C2CD3: variants seen among roughly 807,000 people sequenced by gnomAD.
The protein encoded by C2CD3 is C2 domain-containing protein 3.
In C2CD3, 148 loss-of-function variants were observed where a neutral mutation model predicts 234.0. The observed-to-expected ratio is 0.63, with a 90% CI of 0.55 to 0.72. The LOEUF (loss-of-function observed/expected upper bound fraction) is 0.72. Ranked by LOEUF, C2CD3 falls within the 30% of genes least tolerant of loss-of-function variation. The pLI is 0.00. For missense variants in C2CD3, 2,577 were observed against 2,811.5 expected (o/e 0.92, Z 1.89); for synonymous variants, 1,000 against 1,035.4 (o/e 0.97, Z 0.66).
chr11:74,059,736 T>A (rs1162653242), intron 24 of C2CD3, among the ~76,000 whole-genome samples: 1 of 152,186 alleles, frequency 6.6e-6, no homozygotes, highest in Non-Finnish European at 1.5e-5. Context: ...AGACGGTTGA[T>A]TTCTGTATTT....
At chr11:74,029,627 T>TG (rs1317135214) in intron 31 of C2CD3, among the ~76,000 whole-genome samples, 1 of 152,234 alleles carries the variant, frequency 6.6e-6, no homozygotes. Flanking sequence ...GCTGATGCTG[T>TG]GGGGAAGAAA....
At chr11:74,076,652 C>T (rs1189269222) in intron 23 of C2CD3, among the ~76,000 whole-genome samples, 1 of 152,182 alleles carries the variant, frequency 6.6e-6, no homozygotes, top group Non-Finnish European at 1.5e-5. Flanking sequence ...TAATCACTTC[C>T]CAATCTATGT....
chr11:74,089,654 T>C (rs1955800852), intron 20 of C2CD3, among the ~76,000 whole-genome samples: 1 of 152,228 alleles, frequency 6.6e-6, no homozygotes, highest in Admixed American at 6.5e-5. Context: ...CCTGATCTAG[T>C]TCTCTTTCTT....
chr11:74,114,335 CA>C, intron 10 of C2CD3, 48 bp downstream of exon 10: 1 of 1,270,326 alleles, frequency 7.9e-7, no homozygotes, highest in South Asian at 1.2e-5. Flanking sequence ...TACCATCAGA[CA>C]CACTTTCCAA....
chr11:74,046,194 C>A (rs76989421), intron 28 of C2CD3, among the ~76,000 whole-genome samples: 3,271 of 152,236 alleles, frequency 0.021, 66 homozygotes, highest in African/African-American at 0.046. Context: ...TCTACCATCT[C>A]CAAAAGTTTC....
Position 74,090,985 on chromosome 11 carries a change from T to C in C2CD3, c.3518-49A>G, listed in dbSNP as rs753182046. 9.4e-6 allele frequency: 15 copies of C among 1,602,714 alleles called. No homozygotes were observed. In the South Asian group the frequency reaches 1.7e-4, roughly 18 times the overall value. On this transcript the variant is annotated intron_variant, in intron 19 of 32. Transcript: ENST00000334126. ...AGAAGGTTGGTCAGAAGAATCTCTG[T>C]TCCACCAAACCACAAAGTTTTGGTC...
intron 22 of C2CD3, 72 bp from the exon 23 acceptor site, chr11:74,078,789 C>T: frequency 2.2e-6 from 3 of 1,367,128 alleles, no homozygotes; most frequent in Non-Finnish European, 2.9e-6. Context: ...TTACTCTCCA[C>T]CCCATAGTGT....
intron 3 of C2CD3, chr11:74,142,064 T>C (rs1228894266): frequency 6.6e-6 from 1 of 152,386 alleles, no homozygotes; most frequent in Non-Finnish European, 1.5e-5. Context: ...CATAGTATTT[T>C]GTAGAGGAAG....
At position 74,138,764 on chromosome 11, in the gene C2CD3, C is replaced by A; in HGVS notation, c.911G>T (p.Cys304Phe). ...AGGGAGGTTGTTTGAAGAAAGAATGCATGAGTCACTGTGACTCTTGGCAAC... is the reference window on the plus strand; with the variant it reads ...AGGGAGGTTGTTTGAAGAAAGAATGAATGAGTCACTGTGACTCTTGGCAAC... ...RTVAKSHSDSCILSSNNLPTK... is the reference protein window; with the variant it reads ...RTVAKSHSDSFILSSNNLPTK... The change falls in exon 5 of 33, where the codon TGC (cysteine) becomes TTC (phenylalanine). Residue 304 changes from cysteine to phenylalanine, a missense_variant. Coordinates refer to ENST00000334126, the MANE Select transcript of C2CD3 (RefSeq NM_001286577.2). 6.2e-7 allele frequency: 1 copy of A among 1,612,766 alleles called. No individual in the cohort carries two copies.
Position 74,161,626 on chromosome 11 carries a change from A to T in C2CD3, c.326-70T>A, listed in dbSNP as rs922451886. 2.1e-5 allele frequency: 22 copies of T among 1,046,986 alleles called. 1 individual carries two copies. The highest frequency in any genetic ancestry group is 4.3e-4 in the Middle Eastern group (2 of 4,638). The allele number at this position is 1,046,986 out of a possible 1,614,324, so 64.9% of individuals were successfully genotyped here. A position where few individuals can be genotyped will look rare whatever the true frequency, so the allele number is the denominator to read the frequency against. The stretch of plus-strand genomic sequence containing the variant: ...ATTTTCTTTTTTAAGACGTGGGTAG[A>T]GGGGTATATGCGGAAAAGCTTTCTA... On this transcript the variant is annotated intron_variant, in intron 2 of 32. Transcript: ENST00000334126.
rs1951747715 is a variant in C2CD3 at position 74,013,043 on chromosome 11, G to A, written c.*342C>T. The A allele has an allele frequency of 6.0e-6, 1 of 166,922 alleles. No individual in the cohort carries two copies. Among genetic ancestry groups the A allele is most frequent in the Non-Finnish European group, 1.3e-5 (1 of 78,132 alleles). 10.3% of individuals were successfully genotyped at this position (166,922 alleles called of 1,614,324 possible). A position where few individuals can be genotyped will look rare whatever the true frequency, so the allele number is the denominator to read the frequency against. Reference sequence around the variant, plus strand: ...GTCCTGCATCTTCAGGCAGAGGGTGGGCTCATGCCAGCAGTCAGCTGTGTC... The same window carrying A: ...GTCCTGCATCTTCAGGCAGAGGGTGAGCTCATGCCAGCAGTCAGCTGTGTC... On this transcript the variant is annotated 3_prime_UTR_variant, in exon 33 of 33. Coordinates refer to ENST00000334126, the MANE Select transcript of C2CD3 (RefSeq NM_001286577.2).
rs769668218 is a variant in C2CD3, at chr11:74,150,492, C to CAAAAAAAA, written c.484-10672_484-10665dup. Among the ~76,000 whole-genome samples, 27 of 16,100 alleles carry CAAAAAAAA rather than the reference C, an allele frequency of 1.7e-3. 1 individual carries two copies. The highest frequency in any genetic ancestry group is 2.7e-3 in the East Asian group (1 of 364). The allele number at this position is 16,100 out of a possible 152,430, so 10.6% of individuals were successfully genotyped here. A position where few individuals can be genotyped will look rare whatever the true frequency, so the allele number is the denominator to read the frequency against. Reference sequence around the variant, plus strand: ...TGGGCTACAGAGCAAGACCCTGTCTCAAAAAAAAAAAAAAAAAAAAAAACA... The same window carrying CAAAAAAAA: ...TGGGCTACAGAGCAAGACCCTGTCTCAAAAAAAAAAAAAAAAAAAAAAAAAAAAAAACA... On this transcript the variant is annotated intron_variant, in intron 3 of 32. Transcript: ENST00000334126.
rs1456560503 is a variant in C2CD3, at chr11:74,037,632, T to C, written c.5727A>G (p.Leu1909=). 3.1e-6 allele frequency: 5 copies of C among 1,613,924 alleles called. No individual in the cohort carries two copies. Among genetic ancestry groups the C allele is most frequent in the East Asian group, 2.2e-5 (1 of 44,890 alleles). The change falls in exon 30 of 33, where the codon CTA becomes CTG. Residue 1909 remains leucine (L), a synonymous_variant. Coordinates refer to ENST00000334126, the MANE Select transcript of C2CD3 (RefSeq NM_001286577.2). ...YFRQKLTKPF[L]PLSPQTQTAI... ...CCGTTTGAGTCTGAGGGCTGAGGGG[T>C]AGGAAAGGCTTGGTGAGCTTCTGGC...
chr11:74,133,350 A>G (rs1203048288), intron 6 of C2CD3, 75 bp downstream of exon 6: 3 of 1,353,444 alleles, frequency 2.2e-6, no homozygotes, highest in African/African-American at 1.4e-5. Context: ...TACCTAGTCC[A>G]TAACTTGACA....
intron 3 of C2CD3, among the ~76,000 whole-genome samples, chr11:74,158,521 G>A (rs546396985): frequency 1.3e-5 from 2 of 151,966 alleles, no homozygotes; most frequent in East Asian, 3.9e-4. Context: ...TCAGGAGTTC[G>A]AGACCAGCCT....
chr11:74,025,959 G>A (rs1471508170), intron 32 of C2CD3, among the ~76,000 whole-genome samples: 1 of 152,064 alleles, frequency 6.6e-6, no homozygotes, highest in Non-Finnish European at 1.5e-5. Flanking sequence ...GGTGTGTGTG[G>A]GAAATGCAAG....
At chr11:74,105,798 C>G (rs917744887) in intron 13 of C2CD3, among the ~76,000 whole-genome samples, 7 of 152,148 alleles carry the variant, frequency 4.6e-5, no homozygotes, top group Admixed American at 4.6e-4. Context: ...ATGCCACAGC[C>G]CATTTCCCTC....
At position 74,042,014 on chromosome 11, in the gene C2CD3, C is replaced by T. The variant is rs562859876; in HGVS notation, c.5660+40G>A. ...TGCCATTTCTCATTCACCTTGTGCC[C>T]CACTATGGTTTCCTGTGTCTTTTCT... is the stretch of plus-strand genomic sequence containing the variant. On this transcript the variant is annotated intron_variant, in intron 29 of 32. Transcript: ENST00000334126. The T allele has an allele frequency of 6.0e-5, 96 of 1,601,880 alleles. 1 individual carries two copies. Among genetic ancestry groups the T allele is most frequent in the South Asian group, 4.4e-4 (40 of 90,480 alleles).
chr11:74,106,413 T>A lies in C2CD3; in HGVS notation c.2043A>T (p.Pro681=). 2 of 1,614,116 alleles carry A rather than the reference T, an allele frequency of 1.2e-6. No homozygotes were observed. Among genetic ancestry groups the A allele is most frequent in the Non-Finnish European group, 1.7e-6 (2 of 1,179,964 alleles). ...SELLSFSDQL[P]VQQENGQSPF... ...GAGACTGACCATTTTCTTGTTGCACTGGAAGCTGATCACTGAAAGAAAGCA... is the reference window on the plus strand; with the variant it reads ...GAGACTGACCATTTTCTTGTTGCACAGGAAGCTGATCACTGAAAGAAAGCA... The change falls in exon 13 of 33, where the codon CCA becomes CCT. Residue 681 remains proline, a synonymous_variant. Transcript: ENST00000334126.
Sources: allele counts gnomAD v4.1 joint callset (sites outside exome capture counted in the v4.1 genomes callset), GRCh38; gene constraint gnomAD v4.1.1; transcripts MANE v1.5; gene names NCBI Gene and HGNC (gene_info 2026-07-23, HGNC 2026-07-21).